Variants in TCP11L2 observed in about 807,000 individuals in gnomAD.
TCP11L2 encodes t-complex 11 like 2, also known as T-complex protein 11-like protein 2.
In TCP11L2, 39 loss-of-function variants were observed where a neutral mutation model predicts 50.7. That is an observed-to-expected ratio of 0.77 (90% CI 0.60 to 1.01). The LOEUF is 1.01. Ranked by LOEUF, TCP11L2 falls within the 50% of genes least tolerant of loss-of-function variation. The probability of loss-of-function intolerance (pLI) is 0.00; values close to 1 mark genes in which losing one functional copy is unlikely to be tolerated. For missense variants in TCP11L2, 612 were observed against 614.7 expected (o/e 1.00, Z 0.05); for synonymous variants, 192 against 219.3 (o/e 0.88, Z 1.10).
chr12:106,303,696 G>A (rs1045069011), intron 1 of TCP11L2: 6 of 152,188 alleles, frequency 3.9e-5, no homozygotes, highest in African/African-American at 1.2e-4. Flanking sequence ...ATAGTTACTT[G>A]TTTTCGTTAC....
chr12:106,345,247 C>T (rs1474281221), intron 9 of TCP11L2, among the ~76,000 whole-genome samples: 2 of 152,118 alleles, frequency 1.3e-5, no homozygotes, highest in African/African-American at 4.8e-5. Flanking sequence ...TCTCCCACCT[C>T]GGCCTCCCAA....
intron 4 of TCP11L2, 67 bp from the exon 5 acceptor site, chr12:106,321,419 C>T: frequency 2.9e-6 from 4 of 1,379,182 alleles, no homozygotes; most frequent in Non-Finnish European, 3.0e-6. Flanking sequence ...CATCTAGACA[C>T]TGAGGTGAAA....
At chr12:106,340,053 C>T (rs751828811) in intron 8 of TCP11L2, among the ~76,000 whole-genome samples, 23 of 152,212 alleles carry the variant, frequency 1.5e-4, no homozygotes, top group African/African-American at 3.6e-4. Context: ...TGTTCCAACT[C>T]GCTCCGTTAT....
At chr12:106,341,567 T>C (rs1304471398) in intron 9 of TCP11L2, among the ~76,000 whole-genome samples, 1 of 152,210 alleles carries the variant, frequency 6.6e-6, no homozygotes, top group Non-Finnish European at 1.5e-5. Flanking sequence ...TTAAACAAAA[T>C]GATCATTTAT....
intron 9 of TCP11L2, among the ~76,000 whole-genome samples, chr12:106,344,848 A>G (rs1351773048): frequency 6.6e-6 from 1 of 152,136 alleles, no homozygotes; most frequent in African/African-American, 2.4e-5. Context: ...ATGCATTTCT[A>G]TGCTTTTGTG....
chr12:106,305,181 C>T (rs2034578824), intron 1 of TCP11L2, among the ~76,000 whole-genome samples: 1 of 152,062 alleles, frequency 6.6e-6, no homozygotes, highest in South Asian at 2.1e-4. Context: ...CTCTGGGCCT[C>T]AGGATCTTAT....
intron 6 of TCP11L2, chr12:106,330,223 C>G (rs2035699611): frequency 1.0e-6 from 1 of 985,248 alleles, no homozygotes; most frequent in Admixed American, 6.1e-5. Flanking sequence ...CTGGAATAGC[C>G]TTGGCATGTC....
intron 1 of TCP11L2, among the ~76,000 whole-genome samples, chr12:106,305,766 G>T (rs759332360): frequency 1.1e-4 from 17 of 152,150 alleles, no homozygotes; most frequent in Non-Finnish European, 4.4e-5. Context: ...TGACAATAGG[G>T]AGCCAACCAC....
At chr12:106,313,853 C>T (rs1159027137) in intron 2 of TCP11L2, among the ~76,000 whole-genome samples, 1 of 149,208 alleles carries the variant, frequency 6.7e-6, no homozygotes, top group Non-Finnish European at 1.5e-5. Flanking sequence ...GCAAGCTCCT[C>T]CTCCTGGGTT....
intron 3 of TCP11L2, among the ~76,000 whole-genome samples, chr12:106,318,126 G>C (rs1182713438): frequency 6.6e-6 from 1 of 152,202 alleles, no homozygotes; most frequent in Non-Finnish European, 1.5e-5. Context: ...GGGGAAACAA[G>C]ACAGAATGTT....
At chr12:106,314,336 C>T (rs757648324) in intron 2 of TCP11L2, 22 bp from the exon 3 acceptor site, 7 of 1,591,560 alleles carry the variant, frequency 4.4e-6, no homozygotes, top group Non-Finnish European at 6.0e-6. Flanking sequence ...GCAACATTAA[C>T]TGGCTTTTGT....
Position 106,335,754 on chromosome 12 carries a change from C to G in TCP11L2, c.888C>G (p.Ser296Arg). ...AAAATACCTCCAAGCCAAGCCTGAG[C>G]CCTACTTTGGTGCTAAATAATAGTT... The part of the protein sequence containing the change: ...GAENTSKPSL[S>R]PTLVLNNSYL... The change falls in exon 7 of 10, where the codon AGC becomes AGG. Residue 296 changes from serine to arginine, a missense_variant. Coordinates refer to ENST00000299045, the MANE Select transcript of TCP11L2 (RefSeq NM_152772.3). The G allele has an allele frequency of 6.2e-7, 1 of 1,614,194 alleles. No homozygotes were observed. The highest frequency in any genetic ancestry group is 8.5e-7 in the Non-Finnish European group (1 of 1,180,038).
intron 6 of TCP11L2, among the ~76,000 whole-genome samples, chr12:106,327,450 G>C (rs1036160663): frequency 3.3e-4 from 50 of 152,088 alleles, no homozygotes; most frequent in African/African-American, 1.1e-3. Flanking sequence ...AACTTGCTGG[G>C]ATTACAGGCA....
At chr12:106,324,699 A>G (rs1046164900) in intron 6 of TCP11L2, 2 of 152,212 alleles carry the variant, frequency 1.3e-5, no homozygotes, top group African/African-American at 4.8e-5. Flanking sequence ...AAGAGACCAG[A>G]TTCTGGATAC....
intron 6 of TCP11L2, among the ~76,000 whole-genome samples, chr12:106,333,663 G>T (rs2035816295): frequency 6.6e-6 from 1 of 151,650 alleles, no homozygotes; most frequent in South Asian, 2.1e-4. Context: ...TTATATATGT[G>T]AAAAAAACAA....
chr12:106,328,429 A>G (rs1367054038), intron 6 of TCP11L2, among the ~76,000 whole-genome samples: 1 of 152,236 alleles, frequency 6.6e-6, no homozygotes, highest in East Asian at 1.9e-4. Flanking sequence ...CTGTGATCCT[A>G]GCTACTTAGG....
intron 6 of TCP11L2, among the ~76,000 whole-genome samples, chr12:106,334,050 G>A (rs1455916950): frequency 6.6e-6 from 1 of 152,164 alleles, no homozygotes; most frequent in Non-Finnish European, 1.5e-5. Flanking sequence ...GGATTGGGTA[G>A]AGTGCTTGGA....
rs1191108437 is a variant in TCP11L2 at position 106,346,352 on chromosome 12, C to G, written c.1382C>G (p.Pro461Arg). 1 of 1,614,140 alleles carries G rather than the reference C, an allele frequency of 6.2e-7. No homozygotes were observed. The highest frequency in any genetic ancestry group is 2.2e-5 in the East Asian group (1 of 44,886). Residue 461 changes from proline to arginine, a missense_variant, in exon 10 of 10, where the codon CCT (proline) becomes CGT (arginine). Pro to Arg is a moderately radical substitution (Grantham distance 103). Coordinates refer to ENST00000299045, the MANE Select transcript of TCP11L2 (RefSeq NM_152772.3). The part of the protein sequence containing the change: ...CLPSPQKCMP[P>R]MPGGLAVIQQ... ...CCAAGCCCTCAAAAATGCATGCCTC[C>G]TATGCCAGGAGGCCTAGCTGTCATT...
chr12:106,319,997 C>G (rs1442909830), intron 4 of TCP11L2, among the ~76,000 whole-genome samples: 2 of 152,336 alleles, frequency 1.3e-5, no homozygotes, highest in Middle Eastern at 3.4e-3. Context: ...ATGATCTGCA[C>G]CTTGTTCTTT....
Sources: gnomAD v4.1 joint callset for allele counts (sites outside exome capture counted in the v4.1 genomes callset) on GRCh38, gnomAD v4.1.1 for gene constraint, MANE v1.5 for transcripts, NCBI Gene and HGNC (gene_info 2026-07-23, HGNC 2026-07-21) for gene names.